Variants in ZNF782 observed in about 807,000 individuals in gnomAD.
ZNF782 encodes the protein zinc finger protein 782.
Under a neutral mutation model 13.0 loss-of-function variants are expected in ZNF782, and 12 were observed. That is an observed-to-expected ratio of 0.92 (90% confidence interval 0.59 to 1.50). The LOEUF (loss-of-function observed/expected upper bound fraction) is 1.50. Ranked by LOEUF, ZNF782 falls within the 40% of genes most tolerant of loss-of-function variation. The pLI is 0.00. For missense variants in ZNF782, 770 were observed against 822.9 expected (o/e 0.94, Z 0.79); for synonymous variants, 284 against 283.0 (o/e 1.00, Z -0.04).
At chr9:96,822,605 G>C (rs779049098) in intron 5 of ZNF782, among the ~76,000 whole-genome samples, 1 of 152,032 alleles carries the variant, frequency 6.6e-6, no homozygotes, top group African/African-American at 2.4e-5. Flanking sequence ...ACCGCTTTTG[G>C]CTTTAAAATT....
At chr9:96,896,818 C>A in the ZNF782 span, among the ~76,000 whole-genome samples, 1 of 152,186 alleles carries the variant, frequency 6.6e-6, no homozygotes, top group Non-Finnish European at 1.5e-5. Flanking sequence ...GTGTCAGTGG[C>A]AGATAGGGAT....
chr9:96,817,985 C>T lies in ZNF782; in HGVS notation c.2038G>A (p.Gly680Arg). 6.2e-7 allele frequency: 1 copy of T among 1,607,240 alleles called. No homozygotes were observed. The highest frequency in any genetic ancestry group is 1.1e-5 in the South Asian group (1 of 89,576). The change falls in exon 6 of 6, where the codon GGG (glycine) becomes AGG (arginine). Residue 680 changes from glycine (G) to arginine (R), a missense_variant. Physicochemically the swap from Gly to Arg is moderately radical, Grantham distance 125 (BLOSUM62 -2). Coordinates refer to ENST00000481138, the MANE Select transcript of ZNF782 (RefSeq NM_001001662.3). ...GEKPYKCDKC[G>R]RTFSQKSSLR... ...CTTGATTTTTGACTGAAAGTTCTCC[C>T]ACATTTATCACATTTATAGGGTTTC... is the stretch of plus-strand genomic sequence containing the variant.
At chr9:96,865,977 G>T (rs866379708) in intron 1 of ZNF782, among the ~76,000 whole-genome samples, 4 of 152,180 alleles carry the variant, frequency 2.6e-5, no homozygotes, top group Non-Finnish European at 2.9e-5. Context: ...CATTCAAGAT[G>T]TGTCTTGGGT....
chr9:96,818,638 TTA>T lies in ZNF782; in HGVS notation c.1383_1384del (p.Tyr461Ter), dbSNP rs1850274154. On this transcript the variant is annotated stop_gained and frameshift_variant, in exon 6 of 6. Coordinates refer to ENST00000481138, the MANE Select transcript of ZNF782 (RefSeq NM_001001662.3). LOFTEE classifies it low-confidence loss of function (END_TRUNC). ...TCTCTGATGCACTATGAGGATTGAC[TTA>T]TAGTTAAAAGATTTCCCACATTCAT... The T allele has an allele frequency of 6.2e-7, 1 of 1,614,090 alleles. No homozygotes were observed.
chr9:96,928,147 A>G, the ZNF782 span, among the ~76,000 whole-genome samples: 1 of 151,754 alleles, frequency 6.6e-6, no homozygotes, highest in African/African-American at 2.4e-5. Context: ...ACTGTGCACA[A>G]TTTGAATTTG....
chr9:96,826,624 A>G (rs930297079), intron 5 of ZNF782, among the ~76,000 whole-genome samples: 1 of 152,234 alleles, frequency 6.6e-6, no homozygotes, highest in Non-Finnish European at 1.5e-5. Context: ...CTACTCTTAG[A>G]AAGGCTTTCT....
In ZNF782 at chr9:96,840,668, A is replaced by C. The variant is rs143666954; in HGVS notation, c.142+4222T>G. Among the ~76,000 whole-genome samples, 353 of 152,154 alleles carry C rather than the reference A, an allele frequency of 2.3e-3. 3 individuals carry two copies. The highest frequency in any genetic ancestry group is 8.0e-3 in the African/African-American group (333 of 41,566). On this transcript the variant is annotated intron_variant, in intron 4 of 5. Coordinates refer to ENST00000481138, the MANE Select transcript of ZNF782 (RefSeq NM_001001662.3). ...TCTTCATACAGTCTCATACTATATG[A>C]ATGAGTGTTCAATCAAAGAAGAAAT...
intron 1 of ZNF782, among the ~76,000 whole-genome samples, chr9:96,866,490 A>G (rs983672329): frequency 6.6e-6 from 1 of 152,216 alleles, no homozygotes; most frequent in Non-Finnish European, 1.5e-5. Flanking sequence ...TGGATGACCA[A>G]GCAAAAGTTT....
intron 1 of ZNF782, among the ~76,000 whole-genome samples, chr9:96,872,003 T>A (rs954620814): frequency 6.6e-6 from 1 of 152,192 alleles, no homozygotes; most frequent in Admixed American, 6.5e-5. Flanking sequence ...TTAATAGTAG[T>A]AGATGATCTA....
At chr9:96,820,063 G>T (rs1850357257) in intron 5 of ZNF782, among the ~76,000 whole-genome samples, 1 of 152,048 alleles carries the variant, frequency 6.6e-6, no homozygotes, top group South Asian at 2.1e-4. Flanking sequence ...TCAACAAAAT[G>T]ACTGAGAATG....
chr9:96,867,581 C>G (rs575677375), intron 1 of ZNF782, among the ~76,000 whole-genome samples: 6 of 152,318 alleles, frequency 3.9e-5, no homozygotes, highest in Non-Finnish European at 8.8e-5. Flanking sequence ...TTAGTCTAGC[C>G]AAGATGTCTC....
chr9:96,932,978 C>CTTTTCTTTTCT, the ZNF782 span, among the ~76,000 whole-genome samples: 8 of 129,430 alleles, frequency 6.2e-5, no homozygotes, highest in African/African-American at 2.3e-4. Context: ...CTTTTCTTTT[C>CTTTTCTTTTCT]TTTTTTTTTT....
the ZNF782 span, among the ~76,000 whole-genome samples, chr9:96,886,742 G>A: frequency 6.6e-6 from 1 of 151,954 alleles, no homozygotes; most frequent in South Asian, 2.1e-4. Context: ...GGCCAACATG[G>A]AGAAACCTCA....
the ZNF782 span, among the ~76,000 whole-genome samples, chr9:96,929,900 G>A: frequency 2.6e-5 from 4 of 151,012 alleles, no homozygotes. Flanking sequence ...GTTCTCAGTG[G>A]AAGGCTCTGA....
At chr9:96,847,745 AAAG>A (rs915547230) in intron 3 of ZNF782, among the ~76,000 whole-genome samples, 7 of 152,250 alleles carry the variant, frequency 4.6e-5, no homozygotes, top group African/African-American at 1.4e-4. Flanking sequence ...CCAGATATTT[AAAG>A]AAGAACTGGT....
chr9:96,844,569 G>A (rs1851290674), intron 4 of ZNF782, among the ~76,000 whole-genome samples: 1 of 152,102 alleles, frequency 6.6e-6, no homozygotes, highest in Non-Finnish European at 1.5e-5. Flanking sequence ...TAGTTGCCAG[G>A]GGTTGTGGAG....
At chr9:96,851,190 T>TA (rs1203745016) in intron 3 of ZNF782, among the ~76,000 whole-genome samples, 3 of 150,046 alleles carry the variant, frequency 2.0e-5, no homozygotes, top group African/African-American at 2.4e-5. Flanking sequence ...TTACTAAATC[T>TA]AAAAAAAAAT....
intron 5 of ZNF782, among the ~76,000 whole-genome samples, chr9:96,823,402 T>C (rs1850493179): frequency 6.6e-6 from 1 of 152,234 alleles, no homozygotes; most frequent in African/African-American, 2.4e-5. Flanking sequence ...ACTTGCAGTT[T>C]TTTGTTTTAT....
At chr9:96,853,904 C>T (rs1683707803) in intron 1 of ZNF782, among the ~76,000 whole-genome samples, 184 bp downstream of exon 1, 1 of 152,224 alleles carries the variant, frequency 6.6e-6, no homozygotes, top group Non-Finnish European at 1.5e-5. Flanking sequence ...AATATAACAG[C>T]AGCAGTCCGC....
Sources: allele counts gnomAD v4.1 joint callset (sites outside exome capture counted in the v4.1 genomes callset), GRCh38; gene constraint gnomAD v4.1.1; transcripts MANE v1.5; gene names NCBI Gene and HGNC (gene_info 2026-07-23, HGNC 2026-07-21).